Variants in RAD18 observed in about 807,000 individuals in gnomAD.
RAD18 encodes E3 ubiquitin-protein ligase RAD18.
Under a neutral mutation model 60.4 loss-of-function variants are expected in RAD18, and 47 were observed. The observed-to-expected ratio is 0.78, with a 90% CI of 0.62 to 0.99. The LOEUF (loss-of-function observed/expected upper bound fraction) is 0.99. Ranked by LOEUF, RAD18 falls within the 50% of genes least tolerant of loss-of-function variation. The pLI is 0.00. For missense variants in RAD18, 640 were observed against 593.3 expected (o/e 1.08, Z -0.82); for synonymous variants, 225 against 195.5 (o/e 1.15, Z -1.26).
At chr3:8,894,500 T>A (rs1267577773) in intron 11 of RAD18, among the ~76,000 whole-genome samples, 3 of 152,066 alleles carry the variant, frequency 2.0e-5, no homozygotes, top group African/African-American at 7.2e-5. Context: ...TTTTTTTCAA[T>A]GAGGAAACTG....
intron 4 of RAD18, among the ~76,000 whole-genome samples, chr3:8,942,528 G>A (rs1291331805): frequency 6.6e-6 from 1 of 152,116 alleles, no homozygotes; most frequent in Admixed American, 6.6e-5. Flanking sequence ...CTCTTTGTAG[G>A]CACTGGACTG....
chr3:8,929,445 T>C (rs1471420928), intron 7 of RAD18, among the ~76,000 whole-genome samples: 1 of 152,104 alleles, frequency 6.6e-6, no homozygotes, highest in East Asian at 1.9e-4. Flanking sequence ...AAGAAAATGT[T>C]ACTTAAAAAA....
At chr3:8,906,576 G>A (rs1207315683) in intron 9 of RAD18, among the ~76,000 whole-genome samples, 2 of 152,108 alleles carry the variant, frequency 1.3e-5, no homozygotes, top group African/African-American at 4.8e-5. Flanking sequence ...AATGTTGTCT[G>A]TTCACAGCAA....
Position 8,880,951 on chromosome 3 carries a change from G to A in RAD18, c.*406C>T, listed in dbSNP as rs1939449105. ...CAAACATTTAACTCAACTGTTTCTT[G>A]CAATAAAGAAGTTGAAAGAATCCTT... is the stretch of plus-strand genomic sequence containing the variant. On this transcript the variant is annotated 3_prime_UTR_variant, in exon 13 of 13. Transcript: ENST00000264926. The A allele has an allele frequency of 6.1e-6, 1 of 164,646 alleles. No individual in the cohort carries two copies. Among genetic ancestry groups the A allele is most frequent in the South Asian group, 1.7e-4 (1 of 6,016 alleles). The allele number at this position is 164,646 out of a possible 1,614,324, so 10.2% of individuals were successfully genotyped here.
At chr3:8,886,015 T>C (rs1263212804) in intron 12 of RAD18, among the ~76,000 whole-genome samples, 1 of 152,190 alleles carries the variant, frequency 6.6e-6, no homozygotes, top group Non-Finnish European at 1.5e-5. Flanking sequence ...AAAGGGTGGG[T>C]CAGTTAGTCA....
intron 7 of RAD18, among the ~76,000 whole-genome samples, chr3:8,928,299 A>G (rs564506483): frequency 6.6e-6 from 1 of 152,278 alleles, no homozygotes; most frequent in Admixed American, 6.5e-5. Context: ...AGAACAGCAA[A>G]CAAGCAAGAT....
intron 4 of RAD18, 32 bp downstream of exon 4, chr3:8,947,188 A>G: frequency 6.6e-7 from 1 of 1,512,070 alleles, no homozygotes; most frequent in Non-Finnish European, 9.2e-7. Flanking sequence ...AGGCAAAAGT[A>G]GTTAGAGGTT....
intron 2 of RAD18, 58 bp from the exon 3 acceptor site, chr3:8,948,628 A>G: frequency 7.1e-7 from 1 of 1,409,392 alleles, no homozygotes; most frequent in South Asian, 1.2e-5. Flanking sequence ...ATACAGGAAT[A>G]TGACTTCTAA....
At chr3:8,924,189 T>G (rs1164384128) in intron 7 of RAD18, among the ~76,000 whole-genome samples, 4 of 151,626 alleles carry the variant, frequency 2.6e-5, no homozygotes, top group Non-Finnish European at 5.9e-5. Context: ...GAGACACACA[T>G]AGGCTCAAAA....
intron 2 of RAD18, among the ~76,000 whole-genome samples, chr3:8,950,747 T>C (rs1015186018): frequency 6.6e-6 from 1 of 152,110 alleles, no homozygotes; most frequent in Non-Finnish European, 1.5e-5. Context: ...TTTTTAAAAA[T>C]TATATGCTAA....
chr3:8,936,065 G>T lies in RAD18; in HGVS notation c.705-10C>A, dbSNP rs1210046502. On this transcript the variant is annotated splice_polypyrimidine_tract_variant and intron_variant, in intron 6 of 12. Coordinates refer to ENST00000264926, the MANE Select transcript of RAD18 (RefSeq NM_020165.4). ...CCTTTTGTGAACAGAACTGAAAAGG[G>T]GGGAAGATACCTGATGATTATTGTG... is the stretch of plus-strand genomic sequence containing the variant. 4.0e-6 allele frequency: 6 copies of T among 1,502,852 alleles called. No individual in the cohort carries two copies. The highest frequency in any genetic ancestry group is 5.3e-6 in the Non-Finnish European group (6 of 1,121,884). 93.1% of individuals were successfully genotyped at this position (1,502,852 alleles called of 1,614,324 possible). A position where few individuals can be genotyped will look rare whatever the true frequency, so the allele number is the denominator to read the frequency against.
At chr3:8,902,301 T>A (rs926063879) in intron 10 of RAD18, 79 bp downstream of exon 10, 1 of 1,308,466 alleles carries the variant, frequency 7.6e-7, no homozygotes, top group Non-Finnish European at 1.0e-6. Flanking sequence ...CCAAAGTAAA[T>A]TTCTTTGGTT....
intron 7 of RAD18, among the ~76,000 whole-genome samples, chr3:8,923,658 C>T (rs1940371989): frequency 1.3e-5 from 2 of 152,042 alleles, no homozygotes; most frequent in Admixed American, 1.3e-4. Context: ...TAAGGGCAGC[C>T]AGAGAGAAAG....
At position 8,948,497 on chromosome 3, in the gene RAD18, A is replaced by T. The variant is rs1489504611; in HGVS notation, c.195+12T>A. On this transcript the variant is annotated intron_variant, in intron 3 of 12. Coordinates refer to ENST00000264926, the MANE Select transcript of RAD18 (RefSeq NM_020165.4). ...AGTCAGTAAGTTTTAAAAAAAGGAA[A>T]CAAAAACTCACCACACAGCAAGTTG... 7 of 1,607,556 alleles carry T rather than the reference A, an allele frequency of 4.4e-6. No individual in the cohort carries two copies. Among genetic ancestry groups the T allele is most frequent in the East Asian group, 2.2e-5 (1 of 44,792 alleles).
At position 8,916,478 on chromosome 3, in the gene RAD18, A is replaced by T. The variant is rs559256879; in HGVS notation, c.890-2758T>A. ...TGTGAGTGATATATAGCTACATTTT[A>T]AAAAAAAGTCTGGCACCTCAGACTC... On this transcript the variant is annotated intron_variant, in intron 7 of 12. Transcript: ENST00000264926. 3.0e-4 allele frequency among the ~76,000 whole-genome samples: 45 copies of T among 152,122 alleles called. No homozygotes were observed. In the East Asian group the frequency reaches 3.5e-3, roughly 12 times the overall value.
intron 11 of RAD18, among the ~76,000 whole-genome samples, chr3:8,893,218 C>T (rs1035707013): frequency 6.6e-6 from 1 of 152,100 alleles, no homozygotes; most frequent in Non-Finnish European, 1.5e-5. Flanking sequence ...ATGGCAGGTA[C>T]ACAGGGTACT....
At chr3:8,913,806 A>G (rs1940149890) in intron 7 of RAD18, 86 bp from the exon 8 acceptor site, 3 of 847,822 alleles carry the variant, frequency 3.5e-6, no homozygotes, top group Non-Finnish European at 3.5e-6. Flanking sequence ...TTAACATTAG[A>G]AGAAGATGGG....
chr3:8,911,655 G>T (rs1039020128), intron 9 of RAD18, among the ~76,000 whole-genome samples: 2 of 152,100 alleles, frequency 1.3e-5, no homozygotes, highest in Non-Finnish European at 2.9e-5. Context: ...GCCCTTCAGA[G>T]TTTAAGAAAT....
intron 12 of RAD18, among the ~76,000 whole-genome samples, chr3:8,888,010 T>C (rs1939601403): frequency 6.6e-6 from 1 of 152,164 alleles, no homozygotes; most frequent in African/African-American, 2.4e-5. Flanking sequence ...TCTAGGTAAC[T>C]AGGGACCACT....
Sources: allele counts gnomAD v4.1 joint callset (sites outside exome capture counted in the v4.1 genomes callset), GRCh38; gene constraint gnomAD v4.1.1; transcripts MANE v1.5; gene names NCBI Gene and HGNC (gene_info 2026-07-23, HGNC 2026-07-21).